Variants in ZW10 observed in about 807,000 individuals in gnomAD.
ZW10 encodes the protein centromere/kinetochore protein zw10 homolog.
In ZW10, 53 loss-of-function variants were observed where a neutral mutation model predicts 87.8. That is an observed-to-expected ratio of 0.60 (90% CI 0.48 to 0.76). The LOEUF (loss-of-function observed/expected upper bound fraction) is 0.76. Ranked by LOEUF, ZW10 falls within the 30% of genes least tolerant of loss-of-function variation. The pLI is 0.00. For missense variants in ZW10, 837 were observed against 923.0 expected (o/e 0.91, Z 1.21); for synonymous variants, 312 against 329.2 (o/e 0.95, Z 0.57).
chr11:113,752,354 G>A (rs542549044), intron 7 of ZW10, among the ~76,000 whole-genome samples: 3 of 152,038 alleles, frequency 2.0e-5, no homozygotes, highest in African/African-American at 7.2e-5. Context: ...AAATTTATAC[G>A]TTGAAGCCCT....
At chr11:113,768,757 C>T (rs1953932076) in intron 2 of ZW10, 76 bp downstream of exon 2, 2 of 1,512,484 alleles carry the variant, frequency 1.3e-6, no homozygotes, top group African/African-American at 2.8e-5. Flanking sequence ...AAGTTGTACA[C>T]AATTAAGCTG....
chr11:113,760,477 A>T, intron 4 of ZW10, 36 bp downstream of exon 4: 1 of 1,604,744 alleles, frequency 6.2e-7, no homozygotes, highest in South Asian at 1.1e-5. Context: ...CAAGAAGAGC[A>T]CTTATTGCGC....
intron 7 of ZW10, among the ~76,000 whole-genome samples, chr11:113,755,739 T>A (rs1213110417): frequency 6.6e-6 from 1 of 152,176 alleles, no homozygotes; most frequent in Non-Finnish European, 1.5e-5. Context: ...AGCTTCATTG[T>A]TGTCTTATTT....
At chr11:113,772,937 A>AGATC (rs1231175878) in intron 1 of ZW10, among the ~76,000 whole-genome samples, 2 of 151,958 alleles carry the variant, frequency 1.3e-5, no homozygotes, top group Non-Finnish European at 2.9e-5. Flanking sequence ...CGGTGAGCCG[A>AGATC]GATCACTCCA....
intron 2 of ZW10, among the ~76,000 whole-genome samples, chr11:113,765,021 T>C (rs935976485): frequency 6.6e-6 from 1 of 152,206 alleles, no homozygotes; most frequent in Middle Eastern, 3.2e-3. Flanking sequence ...TCTGAAGACA[T>C]TGGCTGTCAC....
chr11:113,764,300 C>A (rs1953890855), intron 2 of ZW10, among the ~76,000 whole-genome samples: 1 of 152,142 alleles, frequency 6.6e-6, no homozygotes, highest in South Asian at 2.1e-4. Context: ...AGTGTGATGA[C>A]CCCAGCTTTG....
intron 11 of ZW10, 88 bp downstream of exon 11, chr11:113,741,606 G>A: frequency 1.3e-6 from 1 of 791,222 alleles, no homozygotes; most frequent in Non-Finnish European, 1.9e-6. Flanking sequence ...AATATCTTTA[G>A]TGGGAATATA....
intron 7 of ZW10, 64 bp from the exon 8 acceptor site, chr11:113,748,484 G>T (rs1953703908): frequency 2.9e-6 from 4 of 1,393,114 alleles, no homozygotes; most frequent in Non-Finnish European, 2.9e-6. Context: ...ATATTCTTAG[G>T]TTTTCTAGAA....
intron 11 of ZW10, among the ~76,000 whole-genome samples, chr11:113,740,978 T>C (rs1242931066): frequency 2.6e-5 from 4 of 152,192 alleles, no homozygotes; most frequent in African/African-American, 9.7e-5. Flanking sequence ...GAAATAAGAA[T>C]GTTAAACCAC....
chr11:113,749,972 ATG>A (rs1315073832), intron 7 of ZW10, among the ~76,000 whole-genome samples: 6 of 152,206 alleles, frequency 3.9e-5, no homozygotes, highest in Non-Finnish European at 8.8e-5. Context: ...TAACATTGTA[ATG>A]TGTTTATTTG....
Position 113,773,545 on chromosome 11 carries a change from A to G in ZW10, c.105+17T>C. On this transcript the variant is annotated intron_variant, in intron 1 of 15. Coordinates refer to ENST00000200135, the MANE Select transcript of ZW10 (RefSeq NM_004724.4). ...CGGAGTCCCCTTCCAGTCAGCAGAC[A>G]GCTGCCCCGCTCTCACCTTGATCTC... 3 of 1,608,606 alleles carry G rather than the reference A, an allele frequency of 1.9e-6. No homozygotes were observed. Among genetic ancestry groups the G allele is most frequent in the Non-Finnish European group, 2.5e-6 (3 of 1,177,602 alleles).
chr11:113,750,113 T>A (rs566582397), intron 7 of ZW10, among the ~76,000 whole-genome samples: 23 of 152,322 alleles, frequency 1.5e-4, no homozygotes, highest in Middle Eastern at 3.4e-3. Context: ...TACAAATTTT[T>A]AAATTTAAAA....
chr11:113,738,532 G>T, intron 12 of ZW10, 138 bp from the exon 13 acceptor site: 1 of 761,242 alleles, frequency 1.3e-6, no homozygotes, highest in Non-Finnish European at 1.9e-6. Context: ...TCATAAAGCT[G>T]CCCTAAAGCT....
At chr11:113,748,683 C>G (rs939037142) in intron 7 of ZW10, among the ~76,000 whole-genome samples, 2 of 152,154 alleles carry the variant, frequency 1.3e-5, no homozygotes, top group Admixed American at 6.5e-5. Context: ...TTATAATCAT[C>G]TAGTGCTAGC....
chr11:113,768,952 T>C lies in ZW10; in HGVS notation c.121A>G (p.Met41Val), dbSNP rs567573062. Reference protein sequence around the residue: ...VEEIKGEVCNMISKKYSEFLP... With the variant: ...VEEIKGEVCNVISKKYSEFLP... ...AATTCACTGTACTTCTTGCTAATCA[T>C]ATTGCACACCTCACCCTAAAATATA... is the stretch of plus-strand genomic sequence containing the variant. The change falls in exon 2 of 16, where the codon ATG (methionine) becomes GTG (valine). Residue 41 changes from methionine to valine, a missense_variant. By Grantham distance (21) the Met-to-Val change is conservative (BLOSUM62 1). Coordinates refer to ENST00000200135, the MANE Select transcript of ZW10 (RefSeq NM_004724.4). The C allele has an allele frequency of 6.2e-7, 1 of 1,614,124 alleles. No homozygotes were observed. The highest frequency in any genetic ancestry group is 1.1e-5 in the South Asian group (1 of 91,070).
intron 5 of ZW10, 69 bp from the exon 6 acceptor site, chr11:113,758,775 G>T: frequency 6.8e-7 from 1 of 1,476,596 alleles, no homozygotes; most frequent in Non-Finnish European, 9.4e-7. Context: ...ATTCCTCAGA[G>T]CTCATTCTCT....
At chr11:113,769,074 G>T in intron 1 of ZW10, 107 bp from the exon 2 acceptor site, 2 of 1,180,586 alleles carry the variant, frequency 1.7e-6, no homozygotes, top group Non-Finnish European at 2.4e-6. Context: ...GAACCTTCTT[G>T]CCAATTGCCT....
intron 1 of ZW10, among the ~76,000 whole-genome samples, chr11:113,769,248 TAA>T (rs892352118): frequency 9.3e-5 from 13 of 140,440 alleles, no homozygotes; most frequent in African/African-American, 3.4e-4. Context: ...ATTAAAAAAT[TAA>T]AAAAAAAAAA....
At chr11:113,745,301 TAAA>T (rs752867760) in intron 9 of ZW10, among the ~76,000 whole-genome samples, 10 of 140,592 alleles carry the variant, frequency 7.1e-5, no homozygotes, top group Admixed American at 2.9e-4. Context: ...CTTCAGGGAT[TAAA>T]AAAAAAAAAA....
Sources: allele counts gnomAD v4.1 joint callset (sites outside exome capture counted in the v4.1 genomes callset), GRCh38; gene constraint gnomAD v4.1.1; transcripts MANE v1.5; gene names NCBI Gene and HGNC (gene_info 2026-07-23, HGNC 2026-07-21).